ODF2: variants seen among roughly 807,000 people sequenced by gnomAD.
ODF2 encodes outer dense fiber protein 2.
A neutral mutation model predicts 110.2 loss-of-function variants in ODF2; 47 were observed. The observed-to-expected ratio is 0.43, with a 90% confidence interval of 0.34 to 0.54. The LOEUF (loss-of-function observed/expected upper bound fraction) is 0.54, where lower values mean the gene tolerates loss of function less well. Ranked by LOEUF, ODF2 falls within the 20% of genes least tolerant of loss-of-function variation. The pLI is 0.03. For synonymous variants in ODF2, 352 were observed against 397.7 expected, an observed-to-expected ratio of 0.89 and a Z score of 1.37; for missense variants, 812 against 1,054.5, an observed-to-expected ratio of 0.77 and a Z score of 3.19.
chr9:128,476,637 TA>T (rs201909170), intron 8 of ODF2, among the ~76,000 whole-genome samples: 2,417 of 150,908 alleles, frequency 0.016, 32 homozygotes, highest in Non-Finnish European at 0.024. Context: ...ACCTTGTTTT[TA>T]TCTTTTTTTT....
At position 128,485,800 on chromosome 9, in the gene ODF2, T is replaced by G. The variant is rs181329135; in HGVS notation, c.1400+326T>G. ...TACACAGCATTTGAAATGGGCACCGTGGTGTCCTCATTCCTATTGGGGAAT... is the reference window on the plus strand; with the variant it reads ...TACACAGCATTTGAAATGGGCACCGGGGTGTCCTCATTCCTATTGGGGAAT... On this transcript the variant is annotated intron_variant, in intron 13 of 20. Transcript: ENST00000604420. The surrounding 1 kb of genome is among the most constrained non-coding windows in gnomAD (Gnocchi z 5.0). 1.4e-3 allele frequency among the ~76,000 whole-genome samples: 213 copies of G among 152,238 alleles called. No individual in the cohort carries two copies. Among genetic ancestry groups the G allele is most frequent in the African/African-American group, 4.9e-3 (202 of 41,536 alleles).
chr9:128,476,967 G>A (rs1841412114), intron 8 of ODF2, among the ~76,000 whole-genome samples: 1 of 150,458 alleles, frequency 6.6e-6, no homozygotes, highest in African/African-American at 2.4e-5. Context: ...ATATTGGCCG[G>A]GTGCAGTGGC....
intron 4 of ODF2, among the ~76,000 whole-genome samples, chr9:128,463,462 T>G (rs1042890836): frequency 1.7e-4 from 26 of 152,106 alleles, no homozygotes; most frequent in African/African-American, 6.3e-4. Flanking sequence ...CTACAAAAGA[T>G]AAAAAATTAG....
At chr9:128,496,649 G>C (rs2132295369) in intron 18 of ODF2, among the ~76,000 whole-genome samples, 1 of 152,352 alleles carries the variant, frequency 6.6e-6, no homozygotes, top group African/African-American at 2.4e-5. Flanking sequence ...TTGTGATCTT[G>C]AGCAAATCAT....
chr9:128,482,896 CTTTTTTTT>C lies in ODF2; in HGVS notation c.987+21_987+28del, dbSNP rs11290748. On this transcript the variant is annotated intron_variant, in intron 10 of 20. Transcript: ENST00000604420. ...AAATACAATGTGAGAAGGTAGTGTG[CTTTTTTTT>C]TTTTTTTTTTTAGACGGAGTCTCGC... The C allele has an allele frequency of 8.3e-6, 11 of 1,323,638 alleles. No homozygotes were observed. The highest frequency in any genetic ancestry group is 6.5e-5 in the African/African-American group (4 of 61,948). 82.0% of individuals were successfully genotyped at this position (1,323,638 alleles called of 1,614,324 possible). A position where few individuals can be genotyped will look rare whatever the true frequency, so the allele number is the denominator to read the frequency against.
exon 21 of ODF2, chr9:128,500,311 C>T: frequency 1.9e-6 from 3 of 1,562,128 alleles, no homozygotes; most frequent in Non-Finnish European, 1.8e-6. Context: ...CCAGAGTTGC[C>T]AAGCCATAGC....
At chr9:128,473,837 C>T (rs1369617243) in intron 8 of ODF2, 96 bp downstream of exon 8, 39 of 1,181,096 alleles carry the variant, frequency 3.3e-5, no homozygotes, top group Middle Eastern at 2.1e-4. Flanking sequence ...GATTGGTGCC[C>T]GACCTGAGAG....
At chr9:128,463,121 G>A (rs1469279249) in intron 4 of ODF2, among the ~76,000 whole-genome samples, 1 of 152,012 alleles carries the variant, frequency 6.6e-6, no homozygotes, top group African/African-American at 2.4e-5. Context: ...AACTAGTTGG[G>A]TGTGGTGGCA....
intron 16 of ODF2, among the ~76,000 whole-genome samples, chr9:128,493,009 ATGC>A (rs1844900471): frequency 1.4e-5 from 2 of 145,176 alleles, no homozygotes; most frequent in African/African-American, 2.5e-5. Context: ...TCTCTCTCTC[ATGC>A]TGCTGCTTTG....
In ODF2 at chr9:128,471,656, A is replaced by C. The variant is rs35318720; in HGVS notation, c.581+188A>C. Among the ~76,000 whole-genome samples, 1,453 of 152,024 alleles carry C rather than the reference A, an allele frequency of 9.6e-3. 30 individuals are homozygous for C. The highest frequency in any genetic ancestry group is 0.072 in the East Asian group (368 of 5,140). On this transcript the variant is annotated intron_variant, in intron 6 of 20. Coordinates refer to ENST00000604420, the Ensembl canonical transcript of ODF2. Reference sequence around the variant, plus strand: ...GGTTGTGCTTATGATTTGTACTATGAGGGAAAGGGAGGACCCCGTGGATTG... The same window carrying C: ...GGTTGTGCTTATGATTTGTACTATGCGGGAAAGGGAGGACCCCGTGGATTG...
At chr9:128,495,671 C>T (rs1483499984) in intron 17 of ODF2, among the ~76,000 whole-genome samples, 1 of 152,206 alleles carries the variant, frequency 6.6e-6, no homozygotes, top group Non-Finnish European at 1.5e-5. Flanking sequence ...ATAGTACCAG[C>T]AACATAACAG....
intron 4 of ODF2, chr9:128,461,408 T>C (rs955132184): frequency 4.5e-6 from 1 of 223,382 alleles, no homozygotes; most frequent in African/African-American, 2.2e-5. Context: ...CCACATCACA[T>C]GTATTTTCTT....
chr9:128,476,134 G>A (rs1366108105), intron 8 of ODF2, among the ~76,000 whole-genome samples: 1 of 152,042 alleles, frequency 6.6e-6, no homozygotes, highest in Non-Finnish European at 1.5e-5. Context: ...GGACACTTAG[G>A]TTGATTCCGT....
chr9:128,460,391 C>T (rs1053474318), intron 3 of ODF2, 159 bp from the exon 3 acceptor site: 36 of 1,417,180 alleles, frequency 2.5e-5, no homozygotes, highest in East Asian at 7.8e-5. Flanking sequence ...ATGATACTCC[C>T]GCCTTACTCC....
chr9:128,480,155 A>G (rs536571461), intron 8 of ODF2, among the ~76,000 whole-genome samples: 2 of 152,284 alleles, frequency 1.3e-5, no homozygotes, highest in African/African-American at 4.8e-5. Context: ...TTAAAATGAC[A>G]AGTTTTATGT....
chr9:128,483,439 C>T (rs1197828933), intron 10 of ODF2, among the ~76,000 whole-genome samples: 1 of 151,778 alleles, frequency 6.6e-6, no homozygotes, highest in Non-Finnish European at 1.5e-5. Context: ...AAAAATCAGC[C>T]AGGTGTGGTG....
intron 3 of ODF2, among the ~76,000 whole-genome samples, chr9:128,459,900 A>G (rs1240348549): frequency 1.3e-5 from 2 of 152,078 alleles, no homozygotes; most frequent in African/African-American, 4.8e-5. Context: ...AAATCTTGAG[A>G]TTTTTAAAAT....
intron 9 of ODF2, among the ~76,000 whole-genome samples, chr9:128,482,582 A>G (rs1192090128): frequency 1.3e-5 from 2 of 152,128 alleles, no homozygotes; most frequent in Non-Finnish European, 2.9e-5. Context: ...TGTGTTCTCA[A>G]TGTTTTCTAC....
intron 20 of ODF2, among the ~76,000 whole-genome samples, chr9:128,499,777 T>G (rs1354515797): frequency 6.6e-6 from 1 of 152,044 alleles, no homozygotes; most frequent in East Asian, 1.9e-4. Context: ...ACCCAGCTAA[T>G]TTTTGTATTT....
Sources: allele counts gnomAD v4.1 joint callset (sites outside exome capture counted in the v4.1 genomes callset), GRCh38; gene constraint gnomAD v4.1.1; non-coding constraint Gnocchi (gnomAD v3.1); transcripts MANE v1.5; gene names NCBI Gene and HGNC (gene_info 2026-07-23, HGNC 2026-07-21).